PRDM10: variants seen among roughly 807,000 people sequenced by gnomAD.
PRDM10 encodes PR/SET domain 10.
PRDM10 carries 65 observed loss-of-function variants against 133.1 expected under a neutral mutation model. The ratio of observed to expected loss-of-function variants is 0.49; its 90% CI spans 0.40 to 0.60. The LOEUF (loss-of-function observed/expected upper bound fraction) is 0.60. PRDM10 is among the 20% of genes least tolerant of loss of function. The probability of loss-of-function intolerance (pLI) is 0.00; values close to 1 mark genes in which losing one functional copy is unlikely to be tolerated. For synonymous variants in PRDM10, 582 were observed against 580.4 expected (o/e 1.00, Z -0.04); for missense variants, 1,137 against 1,507.1 (o/e 0.75, Z 4.07).
intron 1 of PRDM10, among the ~76,000 whole-genome samples, chr11:129,998,434 T>C (rs1200994192): frequency 6.6e-6 from 1 of 152,164 alleles, no homozygotes; most frequent in Non-Finnish European, 1.5e-5. Flanking sequence ...CTGTTTGCAA[T>C]AAACGAGAGT....
chr11:129,912,937 G>C (rs1015649693), intron 17 of PRDM10, among the ~76,000 whole-genome samples: 2 of 151,756 alleles, frequency 1.3e-5, no homozygotes, highest in African/African-American at 4.8e-5. Flanking sequence ...GCGAGCACCT[G>C]TAATCCCAGC....
rs113658715 is a variant in PRDM10, at chr11:129,916,566, C to T, written c.2325+561G>A. 7.2e-3 allele frequency among the ~76,000 whole-genome samples: 1,090 copies of T among 152,206 alleles called. 8 individuals are homozygous for T. Among genetic ancestry groups the T allele is most frequent in the African/African-American group, 0.025 (1,028 of 41,544 alleles). On this transcript the variant is annotated intron_variant, in intron 15 of 20. Transcript: ENST00000360871. ...GGCAGGAGAATCGCTTGAACCCAGG[C>T]GGAAGTTGCAGTGAGCTGAGATCAT... is the stretch of plus-strand genomic sequence containing the variant.
Position 129,900,683 on chromosome 11 carries a change from C to G in PRDM10, c.*1630G>C, listed in dbSNP as rs1023738888. ...CATTACACTGTGGGACTTAGGGAAC[C>G]CGAACCTGTGTTTTGCAATGCAGGG... On this transcript the variant is annotated 3_prime_UTR_variant, in exon 21 of 21. Transcript: ENST00000360871. 9 of 152,162 alleles carry G rather than the reference C, an allele frequency of 5.9e-5. No homozygotes were observed. Among genetic ancestry groups the G allele is most frequent in the African/African-American group, 2.2e-4 (9 of 41,438 alleles). The allele number at this position is 152,162 out of a possible 1,614,324, so 9.4% of individuals were successfully genotyped here.
Position 129,935,159 on chromosome 11 carries a change from A to T in PRDM10, c.1099T>A (p.Ser367Thr). ...CYECNRRFIS[S>T]EQLQQHLNSH... ...TTGAGATGCTGTTGCAACTGCTCCG[A>T]GCTTATAAATCGGCGGTTACATTCA... Residue 367 changes from serine to threonine, a missense_variant, in exon 9 of 21, where the codon TCG becomes ACG. Transcript: ENST00000360871. 1.2e-6 allele frequency: 2 copies of T among 1,614,074 alleles called. No homozygotes were observed. Among genetic ancestry groups the T allele is most frequent in the Non-Finnish European group, 1.7e-6 (2 of 1,179,974 alleles).
rs1202814485 is a variant in PRDM10 at position 129,923,731 on chromosome 11, A to T, written c.1879-328T>A. ...TCAAAGCCCTGATCACTTGAAGCCC[A>T]TTTTTTAAAGATAAAAAGCAAAAGT... is the stretch of plus-strand genomic sequence containing the variant. On this transcript the variant is annotated intron_variant, in intron 12 of 20. Coordinates refer to ENST00000360871, the MANE Select transcript of PRDM10 (RefSeq NM_199437.2). This position sits in a 1 kb window ranked among gnomAD's most constrained non-coding sequence, Gnocchi z 4.4. Among the ~76,000 whole-genome samples, 1 of 148,108 alleles carries T rather than the reference A, an allele frequency of 6.8e-6. No homozygotes were observed. The highest frequency in any genetic ancestry group is 1.5e-5 in the Non-Finnish European group (1 of 67,762).
chr11:129,935,653 C>A (rs528973703), intron 8 of PRDM10, among the ~76,000 whole-genome samples: 1 of 152,316 alleles, frequency 6.6e-6, no homozygotes, highest in East Asian at 1.9e-4. Flanking sequence ...TCAGAAGCAT[C>A]CCCTAAGTTG....
chr11:129,920,800 C>T (rs1344270151), intron 13 of PRDM10, among the ~76,000 whole-genome samples: 1 of 151,896 alleles, frequency 6.6e-6, no homozygotes, highest in Non-Finnish European at 1.5e-5. Flanking sequence ...CAGTGAATCC[C>T]TCTCACAGCA....
intron 2 of PRDM10, among the ~76,000 whole-genome samples, chr11:129,960,402 C>G (rs1951773793): frequency 1.3e-5 from 2 of 152,144 alleles, no homozygotes; most frequent in African/African-American, 4.8e-5. Flanking sequence ...AGGCAAAGGT[C>G]ATCGATGACA....
intron 1 of PRDM10, among the ~76,000 whole-genome samples, chr11:129,973,261 A>T (rs1342564899): frequency 6.6e-6 from 1 of 152,320 alleles, no homozygotes; most frequent in South Asian, 2.1e-4. Context: ...AAAATTAAGC[A>T]ATGTCTGTTA....
In PRDM10 at chr11:129,931,195, G is replaced by C; in HGVS notation, c.1351C>G (p.Leu451Val). 1 of 1,614,146 alleles carries C rather than the reference G, an allele frequency of 6.2e-7. No individual in the cohort carries two copies. The highest frequency in any genetic ancestry group is 8.5e-7 in the Non-Finnish European group (1 of 1,179,990). The change falls in exon 11 of 21, where the codon CTG becomes GTG. Residue 451 changes from leucine to valine, a missense_variant. Physicochemically the swap from Leu to Val is conservative, Grantham distance 32 (BLOSUM62 1). Transcript: ENST00000360871. ...DEAEPATLNG[L>V]DQPEQTTIPI... ...ATAGTGGTCTGTTCTGGTTGATCCA[G>C]CCCATTCAGAGTGGCTGGTTCAGCC...
intron 4 of PRDM10, among the ~76,000 whole-genome samples, chr11:129,953,002 TCA>T (rs1241036755): frequency 6.6e-6 from 1 of 151,942 alleles, no homozygotes; most frequent in African/African-American, 2.4e-5. Flanking sequence ...AGACAGAGTC[TCA>T]CTCTTATCGC....
intron 1 of PRDM10, among the ~76,000 whole-genome samples, chr11:129,961,762 C>T (rs1951800884): frequency 6.6e-6 from 1 of 152,028 alleles, no homozygotes; most frequent in African/African-American, 2.4e-5. Flanking sequence ...ATGTTCTAAA[C>T]ACTCACTGGG....
chr11:129,961,455 C>T (rs1565497242), intron 1 of PRDM10, among the ~76,000 whole-genome samples: 1 of 152,114 alleles, frequency 6.6e-6, no homozygotes, highest in African/African-American at 2.4e-5. Context: ...CGGGCACGAG[C>T]AACCATGCCC....
Position 129,963,389 on chromosome 11 carries a change from G to A in PRDM10, c.-118-2307C>T, listed in dbSNP as rs61913718. Among the ~76,000 whole-genome samples, 4 of 109,562 alleles carry A rather than the reference G, an allele frequency of 3.7e-5. No homozygotes were observed. In the East Asian group the frequency reaches 2.3e-3, roughly 63 times the overall value. The allele number at this position is 109,562 out of a possible 152,430, so 71.9% of individuals were successfully genotyped here. A position where few individuals can be genotyped will look rare whatever the true frequency, so the allele number is the denominator to read the frequency against. ...CCCTGCTGAAAGAAAAAAGAGAGAAGAGAAGAGAAGAGAAGAGAAGAGAAG... is the reference window on the plus strand; with the variant it reads ...CCCTGCTGAAAGAAAAAAGAGAGAAAAGAAGAGAAGAGAAGAGAAGAGAAG... On this transcript the variant is annotated intron_variant, in intron 1 of 20. Transcript: ENST00000360871.
intron 7 of PRDM10, among the ~76,000 whole-genome samples, chr11:129,942,008 G>C (rs1591637783): frequency 6.6e-6 from 1 of 152,142 alleles, no homozygotes; most frequent in East Asian, 1.9e-4. Context: ...CGATTCTCCT[G>C]CCTCAGCTTC....
rs1223734961 is a variant in PRDM10 at position 129,925,244 on chromosome 11, C to A, written c.1531-15G>T. 17 of 1,577,596 alleles carry A rather than the reference C, an allele frequency of 1.1e-5. No homozygotes were observed. Among genetic ancestry groups the A allele is most frequent in the Non-Finnish European group, 1.4e-5 (16 of 1,161,852 alleles). ...AGAGCTGCATTCTGAAAGACATACACAAATGTGATCATTTAGTGATGAAAT... is the reference window on the plus strand; with the variant it reads ...AGAGCTGCATTCTGAAAGACATACAAAAATGTGATCATTTAGTGATGAAAT... On this transcript the variant is annotated splice_polypyrimidine_tract_variant and intron_variant, in intron 11 of 20. Transcript: ENST00000360871.
intron 1 of PRDM10, among the ~76,000 whole-genome samples, chr11:129,969,807 AAAAAAC>A (rs1186668116): frequency 6.6e-6 from 1 of 152,144 alleles, no homozygotes; most frequent in African/African-American, 2.4e-5. Flanking sequence ...ACCCTGTCTC[AAAAAAC>A]AAAAACAAAA....
In PRDM10 at chr11:129,993,634, G is replaced by A. The variant is rs541074502; in HGVS notation, c.-119+9088C>T. ...CGAGTAGCTGGAACTACAGGCACCCGCCACCACACCTGGCTAACTTTTTGT... is the reference window on the plus strand; with the variant it reads ...CGAGTAGCTGGAACTACAGGCACCCACCACCACACCTGGCTAACTTTTTGT... On this transcript the variant is annotated intron_variant, in intron 1 of 20. Transcript: ENST00000360871. Among the ~76,000 whole-genome samples, 458 of 152,046 alleles carry A rather than the reference G, an allele frequency of 3.0e-3. 1 individual carries two copies. Among genetic ancestry groups the A allele is most frequent in the African/African-American group, 0.01 (430 of 41,472 alleles).
At chr11:129,934,994 C>T (rs1270683536) in intron 9 of PRDM10, 107 bp downstream of exon 9, 2 of 888,476 alleles carry the variant, frequency 2.3e-6, no homozygotes, top group African/African-American at 3.3e-5. Context: ...CACCTGGTTA[C>T]CTATCTATAC....
Sources: gnomAD v4.1 joint callset for allele counts (sites outside exome capture counted in the v4.1 genomes callset) on GRCh38, gnomAD v4.1.1 for gene constraint, Gnocchi (gnomAD v3.1) non-coding constraint, MANE v1.5 for transcripts, NCBI Gene and HGNC (gene_info 2026-07-23, HGNC 2026-07-21) for gene names.